ATP13A4: variants seen among roughly 807,000 people sequenced by gnomAD.
ATP13A4 encodes probable cation-transporting ATPase 13A4.
Under a neutral mutation model 142.5 loss-of-function variants are expected in ATP13A4, and 114 were observed. The observed-to-expected ratio is 0.80, with a 90% CI of 0.69 to 0.93. The LOEUF (loss-of-function observed/expected upper bound fraction) is 0.93, where lower values mean the gene tolerates loss of function less well. ATP13A4 is among the 40% of genes least tolerant of loss of function. The pLI is 0.00. For synonymous variants in ATP13A4, 488 were observed against 514.8 expected, an observed-to-expected ratio of 0.95 and a Z score of 0.70; for missense variants, 1,392 against 1,454.0, an observed-to-expected ratio of 0.96 and a Z score of 0.69.
At chr3:193,408,129 TC>T (rs1283063297) in intron 28 of ATP13A4, among the ~76,000 whole-genome samples, 2 of 152,256 alleles carry the variant, frequency 1.3e-5, no homozygotes, top group African/African-American at 4.8e-5. Context: ...GCCAAGGGCA[TC>T]CCATTGTATC....
chr3:193,491,228 T>C lies in ATP13A4; in HGVS notation c.603+101A>G. On this transcript the variant is annotated intron_variant, in intron 6 of 29. Coordinates refer to ENST00000342695, the MANE Select transcript of ATP13A4 (RefSeq NM_032279.4). ...TGGCATACTTTCAAAATATACTCTA[T>C]GTGAAGTTACTTATTAACAATTAGC... 3 of 884,950 alleles carry C rather than the reference T, an allele frequency of 3.4e-6. No homozygotes were observed. The South Asian group carries it at 3.9e-5, about 12-fold the overall frequency. The allele number at this position is 884,950 out of a possible 1,614,324, so 54.8% of individuals were successfully genotyped here.
At chr3:193,460,255 ATTC>A (rs1356786835) in intron 13 of ATP13A4, among the ~76,000 whole-genome samples, 5 of 152,036 alleles carry the variant, frequency 3.3e-5, no homozygotes, top group African/African-American at 7.3e-5. Context: ...CACCTTCCTT[ATTC>A]TTCTTTTTTG....
At chr3:193,494,720 G>A (rs563665413) in intron 3 of ATP13A4, among the ~76,000 whole-genome samples, 28 of 151,962 alleles carry the variant, frequency 1.8e-4, no homozygotes, top group African/African-American at 6.3e-4. Context: ...CAGGGAAAAT[G>A]AGAACAAACT....
At chr3:193,450,382 T>C (rs1381750209) in intron 17 of ATP13A4, among the ~76,000 whole-genome samples, 1 of 152,194 alleles carries the variant, frequency 6.6e-6, no homozygotes, top group Non-Finnish European at 1.5e-5. Flanking sequence ...TTTTGCCAGG[T>C]AATCTATGGA....
chr3:193,588,698 GC>G (rs1344218639), intron 1 of ATP13A4, among the ~76,000 whole-genome samples: 1 of 152,012 alleles, frequency 6.6e-6, no homozygotes, highest in Non-Finnish European at 1.5e-5. Context: ...ACTATAGTCT[GC>G]CTCTGTGGGT....
At chr3:193,510,023 A>T (rs1721059241) in intron 2 of ATP13A4, among the ~76,000 whole-genome samples, 1 of 152,214 alleles carries the variant, frequency 6.6e-6, no homozygotes, top group South Asian at 2.1e-4. Flanking sequence ...GGGGAGAAGG[A>T]ATTATCAGAA....
At chr3:193,468,251 A>G (rs1296544051) in intron 9 of ATP13A4, among the ~76,000 whole-genome samples, 1 of 152,206 alleles carries the variant, frequency 6.6e-6, no homozygotes, top group East Asian at 1.9e-4. Context: ...AGATTTAACC[A>G]CTTTAATCAG....
intron 1 of ATP13A4, among the ~76,000 whole-genome samples, chr3:193,536,224 G>A (rs1470719231): frequency 6.6e-6 from 1 of 152,014 alleles, no homozygotes; most frequent in Non-Finnish European, 1.5e-5. Context: ...GAATAGAGAA[G>A]CAAATTTCCT....
At chr3:193,545,891 A>G (rs1723191710) in intron 1 of ATP13A4, among the ~76,000 whole-genome samples, 1 of 151,876 alleles carries the variant, frequency 6.6e-6, no homozygotes, top group Non-Finnish European at 1.5e-5. Context: ...AAAAATTCAC[A>G]GCACTTTGAA....
intron 25 of ATP13A4, among the ~76,000 whole-genome samples, chr3:193,424,415 T>G (rs1434988188): frequency 1.3e-5 from 2 of 149,420 alleles, no homozygotes; most frequent in African/African-American, 2.5e-5. Flanking sequence ...GCCCCACATA[T>G]CCTTGATTTT....
intron 17 of ATP13A4, among the ~76,000 whole-genome samples, chr3:193,452,035 G>A (rs575686119): frequency 3.3e-5 from 5 of 152,188 alleles, no homozygotes; most frequent in South Asian, 2.1e-4. Context: ...CCTCTCCTGC[G>A]CGCCACAGCC....
chr3:193,434,409 A>C (rs1226376224), intron 24 of ATP13A4, among the ~76,000 whole-genome samples: 1 of 152,226 alleles, frequency 6.6e-6, no homozygotes, highest in Non-Finnish European at 1.5e-5. Context: ...ACATCTTAAT[A>C]GTCTAGAGGA....
intron 1 of ATP13A4, among the ~76,000 whole-genome samples, chr3:193,582,149 C>CTT (rs61610633): frequency 3.2e-5 from 4 of 124,438 alleles, no homozygotes; most frequent in African/African-American, 5.8e-5. Context: ...CTTTTCTTTT[C>CTT]TTTTTTTTTT....
intron 1 of ATP13A4, among the ~76,000 whole-genome samples, chr3:193,586,060 T>A (rs6788017): frequency 0.44 from 65,313 of 149,578 alleles, 14,298 homozygotes; most frequent in Non-Finnish European, 0.44. Context: ...GTATATAAAA[T>A]ATATATATAT....
intron 22 of ATP13A4, 67 bp from the exon 23 acceptor site, chr3:193,438,651 A>G (rs186264827): frequency 1.3e-5 from 18 of 1,374,574 alleles, no homozygotes; most frequent in South Asian, 2.3e-5. Context: ...GCCTCATAAG[A>G]AAAGGCCAGT....
Position 193,428,464 on chromosome 3 carries a change from T to A in ATP13A4, c.2842+5381A>T, listed in dbSNP as rs188362935. Among the ~76,000 whole-genome samples the A allele has an allele frequency of 2.7e-3, 408 of 152,260 alleles. 4 individuals are homozygous for A. Among genetic ancestry groups the A allele is most frequent in the African/African-American group, 9.5e-3 (393 of 41,516 alleles). On this transcript the variant is annotated intron_variant, in intron 25 of 29. Coordinates refer to ENST00000342695, the MANE Select transcript of ATP13A4 (RefSeq NM_032279.4). ...GGGTATATACCCAAAGGATTATAAA[T>A]CATGCTGCTACAAAGACACATGCAC...
intron 1 of ATP13A4, among the ~76,000 whole-genome samples, chr3:193,539,856 C>A (rs1435623805): frequency 2.6e-5 from 4 of 152,142 alleles, no homozygotes; most frequent in East Asian, 3.9e-4. Context: ...TTTGCATATT[C>A]TTTTGCTATT....
At chr3:193,558,317 A>C (rs1311535473), upstream of ATP13A4, among the ~76,000 whole-genome samples, 1 of 152,058 alleles carries the variant, frequency 6.6e-6, no homozygotes, top group Non-Finnish European at 1.5e-5. Flanking sequence ...TCTATTCTAT[A>C]CTCTACGTGC....
intron 1 of ATP13A4, among the ~76,000 whole-genome samples, chr3:193,541,774 A>C (rs1022476266): frequency 2.0e-5 from 3 of 152,196 alleles, no homozygotes; most frequent in African/African-American, 7.2e-5. Flanking sequence ...ATAGTATTCC[A>C]ATGGCCACAC....
Sources: gnomAD v4.1 joint callset for allele counts (sites outside exome capture counted in the v4.1 genomes callset) on GRCh38, gnomAD v4.1.1 for gene constraint, MANE v1.5 for transcripts, NCBI Gene and HGNC (gene_info 2026-07-23, HGNC 2026-07-21) for gene names.